Variants in ENTPD7 observed in about 807,000 individuals in gnomAD.
ENTPD7 encodes the protein ectonucleoside triphosphate diphosphohydrolase 7.
A neutral mutation model predicts 77.9 loss-of-function variants in ENTPD7; 53 were observed. The observed-to-expected ratio is 0.68, with a 90% CI of 0.55 to 0.85. The LOEUF is 0.85. Ranked by LOEUF, ENTPD7 falls within the 40% of genes least tolerant of loss-of-function variation. The pLI, the probability that ENTPD7 is intolerant of heterozygous loss-of-function variation, is 0.00. For synonymous variants in ENTPD7, 248 were observed against 274.9 expected, an observed-to-expected ratio of 0.90 and a Z score of 0.97; for missense variants, 636 against 743.7, an observed-to-expected ratio of 0.86 and a Z score of 1.68.
At chr10:99,696,250 A>G (rs777697527) in intron 9 of ENTPD7, 128 bp downstream of exon 9, 4 of 1,076,562 alleles carry the variant, frequency 3.7e-6, no homozygotes, top group African/African-American at 1.6e-5. Context: ...ACCCCTGCCA[A>G]TGGGGTAGCA....
Position 99,691,418 on chromosome 10 carries a change from C to G in ENTPD7, c.743C>G (p.Ala248Gly), listed in dbSNP as rs1182213173. 1 of 1,613,688 alleles carries G rather than the reference C, an allele frequency of 6.2e-7. No individual in the cohort carries two copies. Among genetic ancestry groups the G allele is most frequent in the East Asian group, 2.2e-5 (1 of 44,890 alleles). Residue 248 changes from alanine to glycine, a missense_variant, in exon 8 of 13, where the codon GCA becomes GGA. This residue lies in a region of ENTPD7 where 486 missense variants were observed against 556.5 expected (regional missense o/e 0.87). Coordinates refer to ENST00000370489, the MANE Select transcript of ENTPD7 (RefSeq NM_020354.5). ...GCTGAGGCTACCCAGGAATTGGCAGCAGGACGGAGAAGGACAGTAGGGATA... is the reference window on the plus strand; with the variant it reads ...GCTGAGGCTACCCAGGAATTGGCAGGAGGACGGAGAAGGACAGTAGGGATA... ...SDAEATQELA[A>G]GRRRTVGILD...
At chr10:99,672,388 C>T (rs1253193132) in intron 3 of ENTPD7, among the ~76,000 whole-genome samples, 2 of 151,852 alleles carry the variant, frequency 1.3e-5, no homozygotes, top group African/African-American at 4.8e-5. Flanking sequence ...TCACTGCAGC[C>T]TCAACCTCCC....
intron 3 of ENTPD7, 98 bp downstream of exon 3, chr10:99,661,726 T>C: frequency 1.9e-6 from 2 of 1,048,248 alleles, no homozygotes; most frequent in Non-Finnish European, 2.6e-6. Flanking sequence ...TACTGTACTT[T>C]TATTAGTAAA....
chr10:99,692,664 A>G (rs2035902106), intron 8 of ENTPD7, among the ~76,000 whole-genome samples: 2 of 152,026 alleles, frequency 1.3e-5, no homozygotes, highest in African/African-American at 4.8e-5. Context: ...GCAGTATAGG[A>G]TTTTCAGGTG....
chr10:99,666,865 C>T (rs1274544123), intron 3 of ENTPD7, among the ~76,000 whole-genome samples: 1 of 152,234 alleles, frequency 6.6e-6, no homozygotes, highest in Non-Finnish European at 1.5e-5. Context: ...TCACGGTATA[C>T]TTTCTACTGA....
chr10:99,675,897 T>C (rs1230159497), intron 3 of ENTPD7, among the ~76,000 whole-genome samples: 6 of 152,042 alleles, frequency 3.9e-5, no homozygotes, highest in Non-Finnish European at 8.8e-5. Flanking sequence ...CGCCCAATCG[T>C]GACTAATCTT....
In ENTPD7 at chr10:99,698,601, C is replaced by T. The variant is rs61738505; in HGVS notation, c.1078C>T (p.Leu360Phe). ...PFLDPCLPVG[L>F]TDVVERNSQV... ...TCTGGATCCCTGCCTGCCAGTGGGA[C>T]TCACAGATGTGGTGGAGAGGAACAG... The change falls in exon 10 of 13, where the codon CTC becomes TTC. Residue 360 changes from leucine to phenylalanine, a missense_variant. Coordinates refer to ENST00000370489, the MANE Select transcript of ENTPD7 (RefSeq NM_020354.5). The T allele has an allele frequency of 1.0e-3, 1,627 of 1,614,206 alleles. 13 individuals carry two copies. In the African/African-American group the frequency reaches 0.018, roughly 18 times the overall value.
In ENTPD7 at chr10:99,666,211, A is replaced by AT. The variant is rs199579101; in HGVS notation, c.191+4597dup. 3.1e-3 allele frequency among the ~76,000 whole-genome samples: 455 copies of AT among 145,002 alleles called. 1 individual carries two copies. Among genetic ancestry groups the AT allele is most frequent in the Non-Finnish European group, 4.3e-3 (282 of 65,540 alleles). On this transcript the variant is annotated intron_variant, in intron 3 of 12. Coordinates refer to ENST00000370489, the MANE Select transcript of ENTPD7 (RefSeq NM_020354.5). ...GTGAAAAGGTTGGAACTGCTTTTTAATTTTTTTTTTTTTTGAAACAGAGTC... is the reference window on the plus strand; with the variant it reads ...GTGAAAAGGTTGGAACTGCTTTTTAATTTTTTTTTTTTTTTGAAACAGAGTC...
chr10:99,679,572 T>C (rs2035726152), intron 4 of ENTPD7, 106 bp downstream of exon 4: 6 of 1,429,384 alleles, frequency 4.2e-6, no homozygotes, highest in Middle Eastern at 2.0e-4. Flanking sequence ...GTCTGGGTAA[T>C]GGGAGGGATA....
At position 99,684,550 on chromosome 10, in the gene ENTPD7, A is replaced by T. The variant is rs191962228; in HGVS notation, c.549-1242A>T. ...TATAACAATGAACTTTTTTTAAGAA[A>T]CTATACTTGACATTATACTGGAAGA... On this transcript the variant is annotated intron_variant, in intron 5 of 12. Transcript: ENST00000370489. Among the ~76,000 whole-genome samples, 273 of 152,312 alleles carry T rather than the reference A, an allele frequency of 1.8e-3. 6 individuals are homozygous for T. The highest frequency in any genetic ancestry group is 2.1e-4 in the Non-Finnish European group (14 of 68,018).
intron 3 of ENTPD7, among the ~76,000 whole-genome samples, chr10:99,670,564 A>G (rs1031943668): frequency 2.6e-5 from 4 of 152,234 alleles, no homozygotes; most frequent in Non-Finnish European, 5.9e-5. Context: ...GGTACAGCCT[A>G]CTACACACTG....
intron 6 of ENTPD7, among the ~76,000 whole-genome samples, chr10:99,687,097 A>G (rs2133471671): frequency 6.7e-6 from 1 of 149,036 alleles, no homozygotes; most frequent in Middle Eastern, 3.5e-3. Flanking sequence ...TTGTATTTTT[A>G]GTAGAGACAG....
rs745515190 is a variant in ENTPD7, at chr10:99,704,547, T to C, written c.1679T>C (p.Val560Ala). 2.5e-6 allele frequency: 4 copies of C among 1,614,188 alleles called. No individual in the cohort carries two copies. The South Asian group carries it at 4.4e-5, about 18-fold the overall frequency. Residue 560 changes from valine to alanine, a missense_variant, in exon 13 of 13, where the codon GTG becomes GCG. Around this residue, in one of 3 missense-constraint regions of ENTPD7, gnomAD observed 138 missense variants for 150.9 expected, o/e 0.91. Coordinates refer to ENST00000370489, the MANE Select transcript of ENTPD7 (RefSeq NM_020354.5). ...NHYLFFACIL[V>A]VLLAIFLYLL... ...TATCTCTTCTTTGCCTGTATCCTGG[T>C]GGTGCTACTGGCCATCTTCCTATAC...
At position 99,711,132 on chromosome 10, in the gene ENTPD7, A is replaced by G; in HGVS notation, c.*6449A>G. The stretch of plus-strand genomic sequence containing the variant: ...AAACCCTAAGATAATCATTCACCAG[A>G]AGCTCATAGATATAATACAGTTATA... On this transcript the variant is annotated 3_prime_UTR_variant, in exon 13 of 13. Coordinates refer to ENST00000370489, the MANE Select transcript of ENTPD7 (RefSeq NM_020354.5). The G allele has an allele frequency of 3.0e-6, 3 of 985,212 alleles. No homozygotes were observed. The highest frequency in any genetic ancestry group is 3.6e-6 in the Non-Finnish European group (3 of 829,720). The allele number at this position is 985,212 out of a possible 1,614,324, so 61.0% of individuals were successfully genotyped here. A position where few individuals can be genotyped will look rare whatever the true frequency, so the allele number is the denominator to read the frequency against.
intron 3 of ENTPD7, among the ~76,000 whole-genome samples, chr10:99,677,844 T>C (rs1372759350): frequency 6.6e-6 from 1 of 152,236 alleles, no homozygotes; most frequent in East Asian, 1.9e-4. Context: ...CTCCTTGTTT[T>C]ACAGATGAGG....
intron 11 of ENTPD7, 124 bp from the exon 12 acceptor site, chr10:99,702,387 AG>A: frequency 1.4e-6 from 1 of 734,696 alleles, no homozygotes; most frequent in Non-Finnish European, 2.1e-6. Context: ...CTTAGAGGTG[AG>A]GAAGGTGAAG....
intron 3 of ENTPD7, among the ~76,000 whole-genome samples, chr10:99,675,139 G>C (rs1294380987): frequency 6.6e-6 from 1 of 152,124 alleles, no homozygotes; most frequent in East Asian, 1.9e-4. Flanking sequence ...ACATTTCCTT[G>C]AAAATGAGTG....
chr10:99,698,497 GTGTTTGTTTGTT>G lies in ENTPD7; in HGVS notation c.1011-27_1011-16del, dbSNP rs369470330. On this transcript the variant is annotated intron_variant, in intron 9 of 12. Transcript: ENST00000370489. ...AGACTAGGTTGAATACAGGCATGAC[GTGTTTGTTTGTT>G]TGTTTGTTTTTGTCATTGTGGCAGA... The G allele has an allele frequency of 4.9e-5, 77 of 1,563,358 alleles. 2 individuals are homozygous for G. In the South Asian group the frequency reaches 8.3e-4, roughly 17 times the overall value.
chr10:99,689,021 C>T (rs2035847955), intron 7 of ENTPD7, among the ~76,000 whole-genome samples: 1 of 151,918 alleles, frequency 6.6e-6, no homozygotes, highest in Non-Finnish European at 1.5e-5. Context: ...CCATTTCTCC[C>T]CCATATCCCC....
Sources: gnomAD v4.1 joint callset for allele counts (sites outside exome capture counted in the v4.1 genomes callset) on GRCh38, gnomAD v4.1.1 for gene constraint, gnomAD v4.1.1 regional missense constraint, MANE v1.5 for transcripts, NCBI Gene and HGNC (gene_info 2026-07-23, HGNC 2026-07-21) for gene names.